Variants in INTS11 observed in about 807,000 individuals in gnomAD.
INTS11 encodes the protein CPSF3-like protein.
INTS11 carries 77 observed loss-of-function variants against 78.6 expected under a neutral mutation model. The observed-to-expected ratio is 0.98, with a 90% CI of 0.81 to 1.18. The LOEUF (loss-of-function observed/expected upper bound fraction) is 1.18, where lower values mean the gene tolerates loss of function less well. Among genes scored for constraint, INTS11 ranks in the 50% most tolerant of loss-of-function variants. The pLI, the probability that INTS11 is intolerant of heterozygous loss-of-function variation, is 0.00. For synonymous variants in INTS11, 441 were observed against 326.9 expected, an observed-to-expected ratio of 1.35 and a Z score of -3.77; for missense variants, 875 against 825.9, an observed-to-expected ratio of 1.06 and a Z score of -0.73.
rs769984471 is a variant in INTS11, at chr1:1,319,029, G to C, written c.429+267C>G. ...CCTGTCCCACTCTGGCCATTTCAAT[G>C]CCGCTCGGACAGAGCCTGGTGGGTT... On this transcript the variant is annotated intron_variant, in intron 4 of 16. Transcript: ENST00000435064. 1.8e-5 allele frequency: 13 copies of C among 717,340 alleles called. No homozygotes were observed. The Admixed American group carries it at 2.6e-4, about 14-fold the overall frequency. 44.4% of individuals were successfully genotyped at this position (717,340 alleles called of 1,614,324 possible). A position where few individuals can be genotyped will look rare whatever the true frequency, so the allele number is the denominator to read the frequency against.
At chr1:1,319,184 G>C (rs775253991) in intron 4 of INTS11, 112 bp downstream of exon 4, 1 of 959,736 alleles carries the variant, frequency 1.0e-6, no homozygotes, top group East Asian at 2.4e-5. Flanking sequence ...GTGAGGTGGG[G>C]TGGGCTCACC....
intron 1 of INTS11, 41 bp downstream of exon 1, chr1:1,324,528 CCGGAGCCGCATA>C: frequency 6.4e-7 from 1 of 1,558,806 alleles, no homozygotes; most frequent in South Asian, 1.1e-5. Flanking sequence ...CCCAGCCCGC[CCGGAGCCGCATA>C]CGGAGCCCAC....
rs1216192045 is a variant in INTS11, at chr1:1,313,760, C to T, written c.929G>A (p.Arg310Gln). Residue 310 changes from arginine (R) to glutamine (Q), a missense_variant, in exon 9 of 17, where the codon CGG becomes CAG. Coordinates refer to ENST00000435064, the MANE Select transcript of INTS11 (RefSeq NM_017871.6). ...FEFKHIKAFD[R>Q]AFADNPGPMV... ...CGGTCCTGGGTTGTCAGCAAAAGCC[C>T]GGTCGAAGGCCTTGATGTGCTTGAA... is the stretch of plus-strand genomic sequence containing the variant. 2 of 1,613,046 alleles carry T rather than the reference C, an allele frequency of 1.2e-6. No homozygotes were observed. Among genetic ancestry groups the T allele is most frequent in the African/African-American group, 1.3e-5 (1 of 74,940 alleles).
chr1:1,320,645 G>A (rs774065642), intron 2 of INTS11, 116 bp from the exon 3 acceptor site: 3 of 1,030,746 alleles, frequency 2.9e-6, no homozygotes, highest in Admixed American at 1.7e-5. Flanking sequence ...GACTCAGGCT[G>A]GGCACTCCCA....
intron 2 of INTS11, 48 bp downstream of exon 2, chr1:1,320,948 G>A: frequency 7.2e-6 from 11 of 1,530,146 alleles, no homozygotes; most frequent in Non-Finnish European, 9.1e-6. Context: ...GTCCAGCTGT[G>A]GATGGCCGGC....
intron 1 of INTS11, among the ~76,000 whole-genome samples, chr1:1,321,593 G>A (rs1003666478): frequency 2.0e-5 from 3 of 152,220 alleles, no homozygotes; most frequent in Admixed American, 6.5e-5. Flanking sequence ...GTGGAGGGGC[G>A]CCACACAGCC....
rs375127928 is a variant in INTS11, at chr1:1,312,772, C to T, written c.1294+15G>A. ...GACCCGAGGTGGGCCCCACGCCGCC[C>T]GCCCGGCTGCCTACGGAGCTCCTGC... On this transcript the variant is annotated intron_variant, in intron 12 of 16. Coordinates refer to ENST00000435064, the MANE Select transcript of INTS11 (RefSeq NM_017871.6). 1.9e-5 allele frequency: 30 copies of T among 1,602,234 alleles called. No individual in the cohort carries two copies. The highest frequency in any genetic ancestry group is 9.0e-5 in the East Asian group (4 of 44,626).
intron 10 of INTS11, 133 bp downstream of exon 10, chr1:1,313,376 G>T: frequency 9.3e-7 from 1 of 1,072,982 alleles, no homozygotes; most frequent in Non-Finnish European, 1.4e-6. Flanking sequence ...CATCGCCCCC[G>T]TTCCCCAGCA....
At chr1:1,312,196 A>AAGGGGGGGGG in intron 15 of INTS11, 30 bp downstream of exon 15, 1 of 1,137,626 alleles carries the variant, frequency 8.8e-7, no homozygotes, top group Non-Finnish European at 1.1e-6. Context: ...GGCCCAAGGG[A>AAGGGGGGGGG]GTGGGGGGGG....
At chr1:1,321,897 ATCCC>A in intron 1 of INTS11, 1 of 1,258,194 alleles carries the variant, frequency 7.9e-7, no homozygotes, top group Non-Finnish European at 1.0e-6. Context: ...TTCCCCTTGA[ATCCC>A]ACCCACCTCC....
At chr1:1,313,336 T>C (rs535033990) in intron 10 of INTS11, 173 bp downstream of exon 10, 1 of 886,858 alleles carries the variant, frequency 1.1e-6, no homozygotes, top group Admixed American at 2.1e-5. Flanking sequence ...GGACAAGCTG[T>C]GTCACAGAGA....
rs139684424 is a variant in INTS11 at position 1,321,789 on chromosome 1, C to T, written c.29-696G>A. On this transcript the variant is annotated intron_variant, in intron 1 of 16. Transcript: ENST00000435064. The stretch of plus-strand genomic sequence containing the variant: ...CCAGAGGCCTTGGCCAGCCAAGGCA[C>T]ACTCAGCCCCCTCATGTGGCCTGGG... 2.2e-4 allele frequency: 154 copies of T among 702,808 alleles called. 1 individual carries two copies. The African/African-American group carries it at 2.5e-3, about 11-fold the overall frequency. The allele number at this position is 702,808 out of a possible 1,614,324, so 43.5% of individuals were successfully genotyped here. A position where few individuals can be genotyped will look rare whatever the true frequency, so the allele number is the denominator to read the frequency against.
rs753779699 is a variant in INTS11, at chr1:1,315,444, G to C, written c.529-6C>G. 5 of 1,613,180 alleles carry C rather than the reference G, an allele frequency of 3.1e-6. No homozygotes were observed. The highest frequency in any genetic ancestry group is 3.4e-6 in the Non-Finnish European group (4 of 1,179,920). ...GGGGTCATGTTATAATCACCCTGGT[G>C]AACGATCAAGGATGCCATGAGGAGG... is the stretch of plus-strand genomic sequence containing the variant. On this transcript the variant is annotated splice_polypyrimidine_tract_variant and splice_region_variant and intron_variant, in intron 5 of 16. Coordinates refer to ENST00000435064, the MANE Select transcript of INTS11 (RefSeq NM_017871.6).
intron 1 of INTS11, chr1:1,321,996 AG>A: frequency 7.4e-7 from 1 of 1,343,316 alleles, no homozygotes; most frequent in African/African-American, 1.5e-5. Flanking sequence ...TGCCACAGAG[AG>A]GGGATCTCAG....
chr1:1,314,382 G>A lies in INTS11; in HGVS notation c.703-17C>T, dbSNP rs1162118298. 1.3e-6 allele frequency: 2 copies of A among 1,599,260 alleles called. No individual in the cohort carries two copies. The highest frequency in any genetic ancestry group is 1.7e-6 in the Non-Finnish European group (2 of 1,172,928). On this transcript the variant is annotated splice_polypyrimidine_tract_variant and intron_variant, in intron 7 of 16. Coordinates refer to ENST00000435064, the MANE Select transcript of INTS11 (RefSeq NM_017871.6). This position sits in a 1 kb window ranked among gnomAD's most constrained non-coding sequence, Gnocchi z 4.2. ...TATCAGCACCTGAGGGGGACACAAG[G>A]CAGGAGCCCTGGGCACATGGCCCCT...
chr1:1,312,311 G>A lies in INTS11; in HGVS notation c.1522C>T (p.Gln508Ter). The A allele has an allele frequency of 6.4e-7, 1 of 1,551,924 alleles. No individual in the cohort carries two copies. The highest frequency in any genetic ancestry group is 8.7e-7 in the Non-Finnish European group (1 of 1,147,746). Residue 508 changes from glutamine (Q) to a stop codon, truncating the protein, a stop_gained, in exon 15 of 17, where the codon CAG (glutamine) becomes TAG (stop). Coordinates refer to ENST00000435064, the MANE Select transcript of INTS11 (RefSeq NM_017871.6). LOFTEE classifies it high-confidence loss of function. Reference protein sequence around the residue: ...ALKELGLAEHQLRFTCRVHLH... With the variant: ...ALKELGLAEH ...TGCACGCGGCAGGTGAAGCGCAGCT[G>A]GTGCTCAGCCAGACCCAGCTCTTTG...
chr1:1,315,937 AAG>A (rs1488209800), intron 4 of INTS11, among the ~76,000 whole-genome samples: 2 of 152,184 alleles, frequency 1.3e-5, no homozygotes, highest in African/African-American at 4.8e-5. Flanking sequence ...AACGTGGACA[AAG>A]AACGAAAGAC....
chr1:1,322,861 C>A, intron 1 of INTS11: 1 of 1,149,556 alleles, frequency 8.7e-7, no homozygotes, highest in Non-Finnish European at 1.1e-6. Flanking sequence ...TGCAGGGAAG[C>A]GGTGAAACAG....
At chr1:1,312,522 G>A (rs779504143) in intron 13 of INTS11, 21 bp from the exon 14 acceptor site, 19 of 1,584,438 alleles carry the variant, frequency 1.2e-5, no homozygotes, top group East Asian at 9.3e-5. Context: ...GGTGGCAGGA[G>A]CCATCAATGT....
Sources: gnomAD v4.1 joint callset for allele counts (sites outside exome capture counted in the v4.1 genomes callset) on GRCh38, gnomAD v4.1.1 for gene constraint, Gnocchi (gnomAD v3.1) non-coding constraint, MANE v1.5 for transcripts, NCBI Gene and HGNC (gene_info 2026-07-23, HGNC 2026-07-21) for gene names.